The following GLRA1 variants were observed in gnomAD, a reference collection of about 807,000 sequenced individuals.
The protein encoded by GLRA1 is glycine receptor alpha 1.
Under a neutral mutation model 48.3 loss-of-function variants are expected in GLRA1, and 37 were observed. The ratio of observed to expected loss-of-function variants is 0.77; its 90% CI spans 0.59 to 1.01. GLRA1 has a LOEUF of 1.01. Ranked by LOEUF, GLRA1 falls within the 50% of genes least tolerant of loss-of-function variation. The probability of loss-of-function intolerance (pLI) is 0.00; values close to 1 mark genes in which losing one functional copy is unlikely to be tolerated. For missense variants in GLRA1, 427 were observed against 571.0 expected, an observed-to-expected ratio of 0.75 and a Z score of 2.57; for synonymous variants, 196 against 210.7, an observed-to-expected ratio of 0.93 and a Z score of 0.60.
chr5:151,905,088 C>T (rs1465759649), intron 1 of GLRA1, among the ~76,000 whole-genome samples: 1 of 152,148 alleles, frequency 6.6e-6, no homozygotes, highest in Non-Finnish European at 1.5e-5. Flanking sequence ...CATATGGAAA[C>T]TGTCCAGTGG....
chr5:151,840,609 C>T (rs940146549), intron 7 of GLRA1, among the ~76,000 whole-genome samples: 4 of 151,854 alleles, frequency 2.6e-5, no homozygotes, highest in Admixed American at 6.6e-5. Context: ...CAACTACATA[C>T]TGTCTATAAA....
At chr5:151,841,234 CACA>C (rs1361227091) in intron 7 of GLRA1, among the ~76,000 whole-genome samples, 1 of 151,858 alleles carries the variant, frequency 6.6e-6, no homozygotes, top group Non-Finnish European at 1.5e-5. Context: ...TTGGAAAACT[CACA>C]ACAATAAATT....
At chr5:151,881,253 A>G (rs1753752799) in intron 3 of GLRA1, among the ~76,000 whole-genome samples, 2 of 152,072 alleles carry the variant, frequency 1.3e-5, no homozygotes, top group South Asian at 4.1e-4. Flanking sequence ...GTAGAATACC[A>G]GAGGGGCTGC....
At chr5:151,845,713 G>GAT in intron 7 of GLRA1, among the ~76,000 whole-genome samples, 1 of 152,156 alleles carries the variant, frequency 6.6e-6, no homozygotes, top group Non-Finnish European at 1.5e-5. Context: ...TTCACTTCTA[G>GAT]ATATATACCT....
chr5:151,893,333 T>TTTCTTTCTTTCTTTCC (rs1754142676), intron 1 of GLRA1, among the ~76,000 whole-genome samples: 2 of 150,062 alleles, frequency 1.3e-5, no homozygotes, highest in African/African-American at 4.9e-5. Flanking sequence ...TCTTTCTTTC[T>TTTCTTTCTTTCTTTCC]TTCTTTCTTT....
intron 1 of GLRA1, among the ~76,000 whole-genome samples, chr5:151,897,020 T>C (rs1754241705): frequency 1.3e-5 from 2 of 152,176 alleles, no homozygotes; most frequent in South Asian, 2.1e-4. Context: ...TAAGAAAGAT[T>C]GGAAGAGAAT....
At chr5:151,914,517 A>G (rs1032378790) in intron 1 of GLRA1, among the ~76,000 whole-genome samples, 3 of 152,222 alleles carry the variant, frequency 2.0e-5, no homozygotes, top group Non-Finnish European at 4.4e-5. Flanking sequence ...ACAGCTAAAA[A>G]TGTCTTTGGT....
intron 7 of GLRA1, chr5:151,850,044 G>A: frequency 1.2e-6 from 2 of 1,603,834 alleles, no homozygotes; most frequent in Non-Finnish European, 1.7e-6. Context: ...TAATGGACAT[G>A]GTGAGCAACC....
At chr5:151,839,346 G>T (rs969569602) in intron 7 of GLRA1, among the ~76,000 whole-genome samples, 8 of 143,970 alleles carry the variant, frequency 5.6e-5, no homozygotes, top group Non-Finnish European at 1.3e-4. Context: ...AAATATTCAA[G>T]ACAATATAAA....
At chr5:151,911,037 A>G (rs1451989360) in intron 1 of GLRA1, among the ~76,000 whole-genome samples, 1 of 152,198 alleles carries the variant, frequency 6.6e-6, no homozygotes, top group Non-Finnish European at 1.5e-5. Flanking sequence ...CAGGCTTCTA[A>G]TTGATAGAAA....
chr5:151,840,101 T>G (rs530816740), intron 7 of GLRA1, among the ~76,000 whole-genome samples: 163 of 54,886 alleles, frequency 3.0e-3, no homozygotes, highest in Admixed American at 0.015. Flanking sequence ...AAAATACTGT[T>G]TTTTTTTTTT....
At position 151,913,800 on chromosome 5, in the gene GLRA1, T is replaced by C. The variant is rs1754674957; in HGVS notation, c.56+10694A>G. On this transcript the variant is annotated intron_variant, in intron 1 of 8. Transcript: ENST00000274576. ...CCTAGGAAAATGATTTAACCTCATC[T>C]GTACAATGAAATGAATAATAGTATA... 2.0e-5 allele frequency among the ~76,000 whole-genome samples: 3 copies of C among 152,216 alleles called. No homozygotes were observed. In the South Asian group the frequency reaches 6.2e-4, roughly 32 times the overall value.
chr5:151,836,635 G>T (rs1024585361), intron 7 of GLRA1, among the ~76,000 whole-genome samples: 1 of 152,084 alleles, frequency 6.6e-6, no homozygotes, highest in Non-Finnish European at 1.5e-5. Flanking sequence ...CAGAACAGAG[G>T]CCTCAGAAAT....
In GLRA1 at chr5:151,866,080, T is replaced by A. The variant is rs533295752; in HGVS notation, c.253-6072A>T. Among the ~76,000 whole-genome samples, 363 of 152,276 alleles carry A rather than the reference T, an allele frequency of 2.4e-3. 4 individuals carry two copies. Among genetic ancestry groups the A allele is most frequent in the Non-Finnish European group, 3.2e-3 (216 of 68,022 alleles). On this transcript the variant is annotated intron_variant, in intron 3 of 8. Coordinates refer to ENST00000274576, the MANE Select transcript of GLRA1 (RefSeq NM_000171.4). ...GAATTCTCCACCCTAGAACCTGAGG[T>A]TCCACCTCTGAGAGCTGGCTTCTAG...
At chr5:151,829,889 A>G (rs111929907) in intron 7 of GLRA1, among the ~76,000 whole-genome samples, 2 of 152,294 alleles carry the variant, frequency 1.3e-5, no homozygotes, top group African/African-American at 4.8e-5. Flanking sequence ...ACATCGTAAC[A>G]TGTATCAGTA....
chr5:151,850,896 A>T (rs1752888118), intron 7 of GLRA1: 1 of 566,492 alleles, frequency 1.8e-6, no homozygotes, highest in African/African-American at 1.9e-5. Context: ...AGGGTGGAAT[A>T]TAAAGGTCTT....
At chr5:151,880,807 C>T (rs1214742290) in intron 3 of GLRA1, among the ~76,000 whole-genome samples, 2 of 152,178 alleles carry the variant, frequency 1.3e-5, no homozygotes, top group Non-Finnish European at 2.9e-5. Context: ...GTAAACATGC[C>T]TACTCAAATG....
Position 151,892,426 on chromosome 5 carries a change from A to G in GLRA1, c.69T>C (p.Ser23=). The part of the protein sequence containing the change: ...ETIVFFSLAA[S]KEAEAARSAP... ...CGGAGCGAGCAGCTTCAGCCTCCTTAGAAGCAGCAAGGCTAAGGAGGAAGA... is the reference window on the plus strand; with the variant it reads ...CGGAGCGAGCAGCTTCAGCCTCCTTGGAAGCAGCAAGGCTAAGGAGGAAGA... Residue 23 remains serine (S), a synonymous_variant, in exon 2 of 9, where the codon TCT becomes TCC. Transcript: ENST00000274576. 6.2e-7 allele frequency: 1 copy of G among 1,614,076 alleles called. No homozygotes were observed. The highest frequency in any genetic ancestry group is 8.5e-7 in the Non-Finnish European group (1 of 1,179,936).
intron 1 of GLRA1, among the ~76,000 whole-genome samples, chr5:151,915,958 C>T (rs1023457176): frequency 3.3e-5 from 5 of 152,168 alleles, no homozygotes; most frequent in Non-Finnish European, 7.4e-5. Flanking sequence ...AAATTTCCAG[C>T]TCTTTTTTTC....
Sources: gnomAD v4.1 joint callset for allele counts (sites outside exome capture counted in the v4.1 genomes callset) on GRCh38, gnomAD v4.1.1 for gene constraint, MANE v1.5 for transcripts, NCBI Gene and HGNC (gene_info 2026-07-23, HGNC 2026-07-21) for gene names.